NEMP2: variants seen among roughly 807,000 people sequenced by gnomAD.
NEMP2 encodes the protein nuclear envelope integral membrane protein 2.
A neutral mutation model predicts 54.2 loss-of-function variants in NEMP2; 53 were observed. The ratio of observed to expected loss-of-function variants is 0.98; its 90% CI spans 0.78 to 1.23. The LOEUF (loss-of-function observed/expected upper bound fraction) is 1.23, where lower values mean the gene tolerates loss of function less well. Ranked by LOEUF, NEMP2 falls within the 50% of genes most tolerant of loss-of-function variation. The pLI is 0.00. For synonymous variants in NEMP2, 197 were observed against 190.3 expected, an observed-to-expected ratio of 1.04 and a Z score of -0.29; for missense variants, 455 against 511.3, an observed-to-expected ratio of 0.89 and a Z score of 1.06.
the NEMP2 span, among the ~76,000 whole-genome samples, chr2:190,636,285 A>T: frequency 7.2e-5 from 11 of 152,216 alleles, no homozygotes; most frequent in Non-Finnish European, 1.6e-4. Flanking sequence ...GAGGAAAAAA[A>T]ATCTGTGCAA....
At chr2:190,436,045 G>T in the NEMP2 span, 2 of 1,610,958 alleles carry the variant, frequency 1.2e-6, no homozygotes, top group Non-Finnish European at 1.7e-6. The surrounding 1 kb of genome is among the most constrained non-coding windows in gnomAD (Gnocchi z 5.3). Context: ...AGATGATAAA[G>T]TTGCTATCTT....
chr2:190,645,620 T>C, the NEMP2 span, among the ~76,000 whole-genome samples: 1 of 152,244 alleles, frequency 6.6e-6, no homozygotes, highest in Middle Eastern at 3.2e-3. Flanking sequence ...AAGTGACTAG[T>C]ATGCGTCAGC....
At chr2:190,600,283 T>C in the NEMP2 span, among the ~76,000 whole-genome samples, 11 of 152,296 alleles carry the variant, frequency 7.2e-5, no homozygotes, top group Non-Finnish European at 1.3e-4. This position sits in a 1 kb window ranked among gnomAD's most constrained non-coding sequence, Gnocchi z 4.9. Context: ...AACTAGAAGA[T>C]ACTGGGGGAG....
the NEMP2 span, among the ~76,000 whole-genome samples, chr2:190,575,723 G>C: frequency 6.6e-6 from 1 of 152,138 alleles, no homozygotes; most frequent in African/African-American, 2.4e-5. Context: ...GGGCATGGTG[G>C]TGCACGCCTG....
rs1691130179 is a variant in NEMP2, at chr2:190,531,127, A to G, written c.97+3432T>C. 6.6e-6 allele frequency among the ~76,000 whole-genome samples: 1 copy of G among 152,250 alleles called. No individual in the cohort carries two copies. The highest frequency in any genetic ancestry group is 2.1e-4 in the South Asian group (1 of 4,834). On this transcript the variant is annotated intron_variant, in intron 1 of 8. Transcript: ENST00000409150. This position sits in a 1 kb window ranked among gnomAD's most constrained non-coding sequence, Gnocchi z 4.7. ...AGGAAATGAAACAGAATTTCTAGGAATTTTTAAAAATCTAACAATAATCAT... is the reference window on the plus strand; with the variant it reads ...AGGAAATGAAACAGAATTTCTAGGAGTTTTTAAAAATCTAACAATAATCAT...
At position 190,533,502 on chromosome 2, in the gene NEMP2, T is replaced by A. The variant is rs1005019775; in HGVS notation, c.97+1057A>T. On this transcript the variant is annotated intron_variant, in intron 1 of 8. Transcript: ENST00000409150. This position sits in a 1 kb window ranked among gnomAD's most constrained non-coding sequence, Gnocchi z 4.3. ...TACTGAACACTCAAAAAATTTCTCT[T>A]CAATGAAAACTGGAATCCAACACTT... 1.3e-5 allele frequency among the ~76,000 whole-genome samples: 2 copies of A among 152,198 alleles called. No homozygotes were observed. The highest frequency in any genetic ancestry group is 4.8e-5 in the African/African-American group (2 of 41,446).
At chr2:190,482,719 G>A in the NEMP2 span, among the ~76,000 whole-genome samples, 4 of 152,030 alleles carry the variant, frequency 2.6e-5, no homozygotes, top group African/African-American at 7.2e-5. Context: ...GAGCATTCTT[G>A]TGGGCCAAGA....
At chr2:190,576,586 A>G in the NEMP2 span, among the ~76,000 whole-genome samples, 1 of 137,016 alleles carries the variant, frequency 7.3e-6, no homozygotes, top group African/African-American at 2.7e-5. Flanking sequence ...TTTCTGCAAC[A>G]TACTGAATTG....
the NEMP2 span, among the ~76,000 whole-genome samples, chr2:190,549,203 G>T: frequency 6.6e-6 from 1 of 152,164 alleles, no homozygotes; most frequent in Non-Finnish European, 1.5e-5. Flanking sequence ...AAAGGCTTCC[G>T]CAGACTTGGG....
In NEMP2 at chr2:190,529,416, T is replaced by C. The variant is rs1487340757; in HGVS notation, c.98-4038A>G. 6.6e-6 allele frequency among the ~76,000 whole-genome samples: 1 copy of C among 152,162 alleles called. No homozygotes were observed. Among genetic ancestry groups the C allele is most frequent in the African/African-American group, 2.4e-5 (1 of 41,426 alleles). ...CCCACATAAAGTTTCCTCAGTCTGC[T>C]GCAACCTTCTTCTCCCAGATCTTGG... On this transcript the variant is annotated intron_variant, in intron 1 of 8. Transcript: ENST00000409150. The surrounding 1 kb of genome is among the most constrained non-coding windows in gnomAD (Gnocchi z 4.7).
At chr2:190,575,456 T>TA in the NEMP2 span, among the ~76,000 whole-genome samples, 4 of 152,160 alleles carry the variant, frequency 2.6e-5, no homozygotes, top group Non-Finnish European at 5.9e-5. Context: ...TGTGGCATTT[T>TA]AAAAAAATCT....
upstream of NEMP2, chr2:190,535,000 T>C: frequency 4.8e-6 from 1 of 207,204 alleles, no homozygotes; most frequent in Non-Finnish European, 9.6e-6. Context: ...CCCGGCCGTG[T>C]CCCGCTGCCC....
chr2:190,600,463 T>C, the NEMP2 span, among the ~76,000 whole-genome samples: 3 of 152,164 alleles, frequency 2.0e-5, no homozygotes. This position sits in a 1 kb window ranked among gnomAD's most constrained non-coding sequence, Gnocchi z 4.9. Context: ...TGTGGCCCTG[T>C]TGGGAGGTGT....
the NEMP2 span, among the ~76,000 whole-genome samples, chr2:190,426,859 C>T: frequency 1.3e-5 from 2 of 152,172 alleles, no homozygotes; most frequent in African/African-American, 4.8e-5. This position sits in a 1 kb window ranked among gnomAD's most constrained non-coding sequence, Gnocchi z 4.7. Context: ...TCTGCTTTAG[C>T]TGACTTTTTC....
At chr2:190,482,148 G>A in the NEMP2 span, among the ~76,000 whole-genome samples, 1 of 152,140 alleles carries the variant, frequency 6.6e-6, no homozygotes, top group Non-Finnish European at 1.5e-5. Flanking sequence ...TGATACCTAG[G>A]GTAACCAGGC....
At chr2:190,473,868 T>G in the NEMP2 span, among the ~76,000 whole-genome samples, 1 of 152,170 alleles carries the variant, frequency 6.6e-6, no homozygotes, top group Non-Finnish European at 1.5e-5. Context: ...AAACTGTCTC[T>G]CAGACCACAG....
At chr2:190,559,377 A>G in the NEMP2 span, among the ~76,000 whole-genome samples, 1 of 152,196 alleles carries the variant, frequency 6.6e-6, no homozygotes, top group Non-Finnish European at 1.5e-5. This position sits in a 1 kb window ranked among gnomAD's most constrained non-coding sequence, Gnocchi z 4.0. Context: ...GGAGAGAAAG[A>G]TGAAAGATTC....
chr2:190,450,680 A>G, the NEMP2 span, among the ~76,000 whole-genome samples: 1 of 151,620 alleles, frequency 6.6e-6, no homozygotes, highest in Non-Finnish European at 1.5e-5. Flanking sequence ...TTTTGTAGAG[A>G]CGAGGTTTTG....
the NEMP2 span, among the ~76,000 whole-genome samples, chr2:190,494,732 G>T: frequency 2.6e-5 from 4 of 152,106 alleles, no homozygotes; most frequent in Admixed American, 1.3e-4. The surrounding 1 kb of genome is among the most constrained non-coding windows in gnomAD (Gnocchi z 5.7). Flanking sequence ...CACATAAACA[G>T]AATTAAAAAC....
Sources: allele counts gnomAD v4.1 joint callset (sites outside exome capture counted in the v4.1 genomes callset), GRCh38; gene constraint gnomAD v4.1.1; non-coding constraint Gnocchi (gnomAD v3.1); transcripts MANE v1.5; gene names NCBI Gene and HGNC (gene_info 2026-07-23, HGNC 2026-07-21).